PTPRM: variants seen among roughly 807,000 people sequenced by gnomAD.
PTPRM encodes protein tyrosine phosphatase receptor type M, also known as receptor-type tyrosine-protein phosphatase mu.
Under a neutral mutation model 186.7 loss-of-function variants are expected in PTPRM, and 47 were observed. That is an observed-to-expected ratio of 0.25 (90% CI 0.20 to 0.32). PTPRM has a LOEUF of 0.32. Ranked by LOEUF, PTPRM falls within the 10% of genes least tolerant of loss-of-function variation. The pLI is 1.00. For missense variants in PTPRM, 1,494 were observed against 1,865.0 expected, an observed-to-expected ratio of 0.80 and a Z score of 3.66; for synonymous variants, 668 against 674.9, an observed-to-expected ratio of 0.99 and a Z score of 0.16.
intron 1 of PTPRM, among the ~76,000 whole-genome samples, chr18:7,581,412 C>T (rs900899016): frequency 6.6e-6 from 1 of 152,054 alleles, no homozygotes; most frequent in African/African-American, 2.4e-5. Context: ...GTAGATAGTA[C>T]CTGGACGAAA....
In PTPRM at chr18:8,215,182, C is replaced by T. The variant is rs556890931; in HGVS notation, c.2301-28876C>T. On this transcript the variant is annotated intron_variant, in intron 14 of 32. Transcript: ENST00000580170. Reference sequence around the variant, plus strand: ...AATAGCAATAGGTGACCTGTGAGAACCCGAAAATAGTTATTTCTTCATTCC... The same window carrying T: ...AATAGCAATAGGTGACCTGTGAGAATCCGAAAATAGTTATTTCTTCATTCC... 9.9e-5 allele frequency among the ~76,000 whole-genome samples: 15 copies of T among 152,236 alleles called. No individual in the cohort carries two copies. The South Asian group carries it at 3.1e-3, about 32-fold the overall frequency.
chr18:8,113,729 T>G lies in PTPRM; in HGVS notation c.2100T>G (p.Ile700Met). 1 of 1,613,768 alleles carries G rather than the reference T, an allele frequency of 6.2e-7. No homozygotes were observed. Among genetic ancestry groups the G allele is most frequent in the Non-Finnish European group, 8.5e-7 (1 of 1,179,736 alleles). ...TPLLPYKSYR[I>M]YFQAASRANG... is the part of the protein sequence containing the mutation. ...TTCTCCCCTATAAAAGCTACAGAAT[T>G]TATTTCCAAGCTGCTAGTAGAGCCA... Residue 700 changes from isoleucine (I) to methionine (M), a missense_variant, in exon 12 of 33, where the codon ATT becomes ATG. By Grantham distance (10) the Ile-to-Met change is conservative (BLOSUM62 1). This residue lies in a region of PTPRM where 1,107 missense variants were observed against 1,350.2 expected (regional missense o/e 0.82). Coordinates refer to ENST00000580170, the MANE Select transcript of PTPRM (RefSeq NM_001105244.2).
chr18:8,404,038 C>G (rs1440429847), intron 32 of PTPRM: 1 of 152,030 alleles, frequency 6.6e-6, no homozygotes, highest in Non-Finnish European at 1.5e-5. Context: ...TTTGTGTATA[C>G]GTATGTTTTC....
At chr18:7,626,347 C>T (rs1228322504) in intron 1 of PTPRM, among the ~76,000 whole-genome samples, 1 of 152,198 alleles carries the variant, frequency 6.6e-6, no homozygotes, top group Non-Finnish European at 1.5e-5. Flanking sequence ...TGGACTTTAG[C>T]AGACTCCATA....
intron 1 of PTPRM, among the ~76,000 whole-genome samples, chr18:7,683,785 T>C (rs185073721): frequency 6.6e-6 from 1 of 152,334 alleles, no homozygotes; most frequent in Non-Finnish European, 1.5e-5. Context: ...GGGCTTGCTA[T>C]GCTCAGGGTA....
intron 11 of PTPRM, among the ~76,000 whole-genome samples, chr18:8,090,625 C>T (rs2090665187): frequency 6.6e-6 from 1 of 152,138 alleles, no homozygotes; most frequent in South Asian, 2.1e-4. Context: ...GATGGAGTCT[C>T]ACTCTGGTCG....
intron 22 of PTPRM, among the ~76,000 whole-genome samples, chr18:8,335,720 C>G (rs1568771491): frequency 6.6e-6 from 1 of 152,166 alleles, no homozygotes; most frequent in African/African-American, 2.4e-5. Flanking sequence ...CATTCTGGTT[C>G]CATTTAAAAG....
At chr18:8,353,119 C>T (rs907578281) in intron 23 of PTPRM, among the ~76,000 whole-genome samples, 1 of 152,080 alleles carries the variant, frequency 6.6e-6, no homozygotes, top group African/African-American at 2.4e-5. Flanking sequence ...ACTTCAGCAG[C>T]ATAAGGAAGG....
At chr18:8,300,706 C>A (rs563294682) in intron 20 of PTPRM, among the ~76,000 whole-genome samples, 6 of 152,176 alleles carry the variant, frequency 3.9e-5, no homozygotes, top group Non-Finnish European at 5.9e-5. Flanking sequence ...GTTTTCTAGC[C>A]CCCACCGCCC....
At chr18:7,703,322 A>G (rs1395020410) in intron 1 of PTPRM, among the ~76,000 whole-genome samples, 1 of 152,026 alleles carries the variant, frequency 6.6e-6, no homozygotes, top group South Asian at 2.1e-4. Context: ...ATGTTTTTCC[A>G]TTTTTTGTGT....
intron 7 of PTPRM, among the ~76,000 whole-genome samples, chr18:8,020,141 G>T (rs1303587468): frequency 6.6e-6 from 1 of 152,078 alleles, no homozygotes; most frequent in Non-Finnish European, 1.5e-5. Context: ...CGAATTAGTT[G>T]TGACAAAAAG....
chr18:8,212,736 T>C (rs2094024556), intron 14 of PTPRM, among the ~76,000 whole-genome samples: 1 of 152,176 alleles, frequency 6.6e-6, no homozygotes, highest in Non-Finnish European at 1.5e-5. Context: ...GAGCCTAGGA[T>C]TTCAAGGCTT....
At chr18:8,261,617 C>T (rs922439923) in intron 19 of PTPRM, among the ~76,000 whole-genome samples, 22 of 152,252 alleles carry the variant, frequency 1.4e-4, no homozygotes, top group Admixed American at 8.5e-4. Flanking sequence ...TCACTCAGTC[C>T]GCCTGCTTTC....
chr18:8,091,587 A>AT (rs371274350), intron 11 of PTPRM, among the ~76,000 whole-genome samples: 32,832 of 140,220 alleles, frequency 0.23, 3,835 homozygotes, highest in Middle Eastern at 0.32. Context: ...TGTCGAAAAG[A>AT]TTTTTTTTTT....
At chr18:8,125,992 TATATATATATATATATATA>T (rs2092331299) in intron 13 of PTPRM, among the ~76,000 whole-genome samples, 1 of 8,828 alleles carries the variant, frequency 1.1e-4, no homozygotes, top group African/African-American at 2.4e-4. Flanking sequence ...TATATATATA[TATATATATATATATATATA>T]TATATATATA....
chr18:7,985,099 A>G (rs186517523), intron 7 of PTPRM, among the ~76,000 whole-genome samples: 1,713 of 128,606 alleles, frequency 0.013, 36 homozygotes, highest in African/African-American at 0.046. Context: ...ACATATAATT[A>G]TATATACATA....
At chr18:8,384,236 T>C (rs2095756976) in intron 29 of PTPRM, among the ~76,000 whole-genome samples, 1 of 152,074 alleles carries the variant, frequency 6.6e-6, no homozygotes, top group Non-Finnish European at 1.5e-5. Flanking sequence ...GGCAGGAGGA[T>C]CACTGGAGAA....
chr18:7,769,311 C>T (rs964970636), intron 1 of PTPRM, among the ~76,000 whole-genome samples: 2 of 152,138 alleles, frequency 1.3e-5, no homozygotes, highest in Non-Finnish European at 2.9e-5. Context: ...GCTTTGAGAC[C>T]TTGGACAGGC....
At chr18:7,752,394 A>G (rs1008213864) in intron 1 of PTPRM, among the ~76,000 whole-genome samples, 2 of 152,078 alleles carry the variant, frequency 1.3e-5, no homozygotes, top group Non-Finnish European at 2.9e-5. Context: ...GGTAGGAAAC[A>G]TGACAGTAAT....
Sources: gnomAD v4.1 joint callset for allele counts (sites outside exome capture counted in the v4.1 genomes callset) on GRCh38, gnomAD v4.1.1 for gene constraint, gnomAD v4.1.1 regional missense constraint, MANE v1.5 for transcripts, NCBI Gene and HGNC (gene_info 2026-07-23, HGNC 2026-07-21) for gene names.